DNAJC6: variants seen among roughly 807,000 people sequenced by gnomAD.
The protein encoded by DNAJC6 is DnaJ heat shock protein family (Hsp40) member C6.
In DNAJC6, 34 loss-of-function variants were observed where a neutral mutation model predicts 110.0. That is an observed-to-expected ratio of 0.31 (90% CI 0.24 to 0.41). The LOEUF is 0.41. Among genes scored for constraint, DNAJC6 ranks in the 10% least tolerant of loss-of-function variants. The pLI, the probability that DNAJC6 is intolerant of heterozygous loss-of-function variation, is 1.00. For missense variants in DNAJC6, 1,031 were observed against 1,207.8 expected (o/e 0.85, Z 2.17); for synonymous variants, 406 against 437.2 (o/e 0.93, Z 0.89).
intron 1 of DNAJC6, among the ~76,000 whole-genome samples, chr1:65,273,047 T>G (rs1248386765): frequency 2.0e-5 from 3 of 152,204 alleles, no homozygotes; most frequent in Non-Finnish European, 4.4e-5. Context: ...TTTATTGTCC[T>G]GGTAATTCTC....
rs149190634 is a variant in DNAJC6, at chr1:65,393,822, T to C, written c.1903+957T>C. On this transcript the variant is annotated intron_variant, in intron 12 of 18. Transcript: ENST00000371069. ...TAGTATCCTATAGGAACATTTTTTT[T>C]CCCCAAGCGTATCCTTCCCAGAAGG... Among the ~76,000 whole-genome samples, 174 of 152,232 alleles carry C rather than the reference T, an allele frequency of 1.1e-3. 1 individual carries two copies. Among genetic ancestry groups the C allele is most frequent in the African/African-American group, 4.1e-3 (169 of 41,534 alleles).
chr1:65,297,963 C>T (rs1429309526), intron 1 of DNAJC6, among the ~76,000 whole-genome samples: 1 of 152,040 alleles, frequency 6.6e-6, no homozygotes, highest in Non-Finnish European at 1.5e-5. Flanking sequence ...CCACTTTAAC[C>T]CCCTATGATT....
intron 5 of DNAJC6, among the ~76,000 whole-genome samples, chr1:65,381,161 C>T (rs897550804): frequency 6.6e-6 from 1 of 151,658 alleles, no homozygotes; most frequent in Non-Finnish European, 1.5e-5. Flanking sequence ...TCATGATCTG[C>T]CCGCCTTGGC....
chr1:65,346,387 A>T (rs1041683979), intron 1 of DNAJC6, among the ~76,000 whole-genome samples: 13 of 151,096 alleles, frequency 8.6e-5, no homozygotes, highest in Non-Finnish European at 1.5e-5. Flanking sequence ...CTGATAATCC[A>T]TTTTTTTTTT....
chr1:65,363,428 C>G (rs12035145), intron 1 of DNAJC6, among the ~76,000 whole-genome samples: 42,604 of 81,152 alleles, frequency 0.52, 9,665 homozygotes, highest in African/African-American at 0.71. Context: ...GAGAGAGAGA[C>G]AGAGAAAGAG....
chr1:65,278,219 G>A (rs888486309), intron 1 of DNAJC6, among the ~76,000 whole-genome samples: 5 of 152,030 alleles, frequency 3.3e-5, no homozygotes, highest in African/African-American at 7.2e-5. Context: ...TGCAAGCTCC[G>A]TTCATTTACT....
Position 65,408,840 on chromosome 1 carries a change from A to G in DNAJC6, c.2634+57A>G, listed in dbSNP as rs1178740411. 3.1e-6 allele frequency: 5 copies of G among 1,588,634 alleles called. No homozygotes were observed. In the African/African-American group the frequency reaches 4.1e-5, roughly 13 times the overall value. On this transcript the variant is annotated intron_variant, in intron 17 of 18. Coordinates refer to ENST00000371069, the MANE Select transcript of DNAJC6 (RefSeq NM_001256864.2). ...CCTATATGACAAAGTCATGTGATAA[A>G]GTCATGTGTATGGAGCTATCGCCAT...
chr1:65,270,127 G>C (rs150732143), intron 1 of DNAJC6, among the ~76,000 whole-genome samples: 245 of 152,252 alleles, frequency 1.6e-3, no homozygotes, highest in African/African-American at 5.8e-3. Context: ...TTAGACACCA[G>C]TACAACACAC....
At chr1:65,311,294 G>A (rs892655791) in intron 1 of DNAJC6, among the ~76,000 whole-genome samples, 1 of 129,026 alleles carries the variant, frequency 7.8e-6, no homozygotes, top group Non-Finnish European at 1.5e-5. Context: ...ATGCGAACTC[G>A]GCGGACTGCA....
At chr1:65,275,344 A>G (rs1229714328) in intron 1 of DNAJC6, among the ~76,000 whole-genome samples, 1 of 152,200 alleles carries the variant, frequency 6.6e-6, no homozygotes, top group Admixed American at 6.5e-5. Flanking sequence ...CAATTTTACT[A>G]GGTGTATAGA....
chr1:65,323,812 A>G (rs1485897500), intron 1 of DNAJC6, among the ~76,000 whole-genome samples: 3 of 151,974 alleles, frequency 2.0e-5, no homozygotes, highest in Admixed American at 1.3e-4. Context: ...GTTGGTCTCA[A>G]CCTCCTGGGC....
At chr1:65,292,320 G>GT (rs11431945) in intron 1 of DNAJC6, among the ~76,000 whole-genome samples, 23,554 of 135,538 alleles carry the variant, frequency 0.17, 3,310 homozygotes, top group African/African-American at 0.38. Flanking sequence ...ACCCGGCCTG[G>GT]TTTTTTTTTT....
chr1:65,273,634 C>G (rs1449812662), intron 1 of DNAJC6, among the ~76,000 whole-genome samples: 3 of 151,986 alleles, frequency 2.0e-5, no homozygotes, highest in South Asian at 2.1e-4. Flanking sequence ...TATATAATAT[C>G]CTTTAAGCAT....
At chr1:65,302,940 G>T (rs989147097) in intron 1 of DNAJC6, among the ~76,000 whole-genome samples, 2 of 152,076 alleles carry the variant, frequency 1.3e-5, no homozygotes, top group Admixed American at 1.3e-4. Context: ...GGACTTTCTG[G>T]CCCCAGAAAC....
At chr1:65,347,839 G>T (rs1157314638) in intron 1 of DNAJC6, among the ~76,000 whole-genome samples, 2 of 152,034 alleles carry the variant, frequency 1.3e-5, no homozygotes, top group Admixed American at 6.6e-5. Flanking sequence ...TGCATATATT[G>T]GTTGACTCCC....
chr1:65,370,408 C>T (rs76587737), intron 4 of DNAJC6, among the ~76,000 whole-genome samples: 1,634 of 152,288 alleles, frequency 0.011, 21 homozygotes, highest in African/African-American at 0.038. Flanking sequence ...CCACTCCATG[C>T]ATATGTGTGT....
At chr1:65,349,227 A>C (rs1205452731) in intron 1 of DNAJC6, among the ~76,000 whole-genome samples, 4 of 151,020 alleles carry the variant, frequency 2.6e-5, no homozygotes, top group African/African-American at 9.7e-5. Context: ...AAATAAGAGA[A>C]TGTTATAGCA....
intron 1 of DNAJC6, among the ~76,000 whole-genome samples, chr1:65,341,872 G>A (rs890360860): frequency 2.0e-5 from 3 of 152,096 alleles, no homozygotes; most frequent in African/African-American, 7.2e-5. Context: ...CCCTTTGTGG[G>A]ACCAAGTCCG....
Position 65,389,553 on chromosome 1 carries a change from C to G in DNAJC6, c.1394C>G (p.Ala465Gly). 1 of 1,614,162 alleles carries G rather than the reference C, an allele frequency of 6.2e-7. No homozygotes were observed. Among genetic ancestry groups the G allele is most frequent in the Non-Finnish European group, 8.5e-7 (1 of 1,180,012 alleles). Residue 465 changes from alanine to glycine, a missense_variant, in exon 11 of 19, where the codon GCT (alanine) becomes GGT (glycine). Physicochemically the swap from Ala to Gly is moderately conservative, Grantham distance 60. Coordinates refer to ENST00000371069, the MANE Select transcript of DNAJC6 (RefSeq NM_001256864.2). ...HQDTLALGGQ[A>G]PIDIPPDNPR... Reference sequence around the variant, plus strand: ...TGGTCTTTTTGTCTTGCAGGACAGGCTCCAATAGATATCCCTCCAGACAAC... The same window carrying G: ...TGGTCTTTTTGTCTTGCAGGACAGGGTCCAATAGATATCCCTCCAGACAAC...
Sources: allele counts gnomAD v4.1 joint callset (sites outside exome capture counted in the v4.1 genomes callset), GRCh38; gene constraint gnomAD v4.1.1; transcripts MANE v1.5; gene names NCBI Gene and HGNC (gene_info 2026-07-23, HGNC 2026-07-21).